RP1L1: variants seen among roughly 807,000 people sequenced by gnomAD.
RP1L1 encodes RP1 like 1.
A neutral mutation model predicts 15.7 loss-of-function variants in RP1L1; 27 were observed. That is an observed-to-expected ratio of 1.72 (90% CI 1.27 to 2.38). RP1L1 has a LOEUF of 2.38. Ranked by LOEUF, RP1L1 falls within the 30% of genes most tolerant of loss-of-function variation. RP1L1 has a pLI of 0.00. For synonymous variants in RP1L1, 1,813 were observed against 1,276.7 expected (o/e 1.42, Z -8.96); for missense variants, 4,798 against 3,075.9 (o/e 1.56, Z -13.24).
intron 3 of RP1L1, among the ~76,000 whole-genome samples, chr8:10,614,864 T>C (rs911613071): frequency 2.0e-5 from 3 of 152,258 alleles, no homozygotes; most frequent in South Asian, 4.1e-4. Flanking sequence ...ACATGGCACA[T>C]GTATACATAT....
In RP1L1 at chr8:10,610,518, T is replaced by A. The variant is rs375562242; in HGVS notation, c.3580A>T (p.Thr1194Ser). ...LGSHAMTENFTPTSSSGVDIS... is the reference protein window; with the variant it reads ...LGSHAMTENFSPTSSSGVDIS... ...TCCACACCAGAGGAGGATGTGGGCG[T>A]GAAGTTCTCCGTCATGGCATGGGAC... The change falls in exon 4 of 4, where the codon ACG becomes TCG. Residue 1194 changes from threonine (T) to serine (S), a missense_variant. Physicochemically the swap from Thr to Ser is moderately conservative, Grantham distance 58. Coordinates refer to ENST00000382483, the MANE Select transcript of RP1L1 (RefSeq NM_178857.6). 6.2e-6 allele frequency: 10 copies of A among 1,613,560 alleles called. No homozygotes were observed. Among genetic ancestry groups the A allele is most frequent in the East Asian group, 2.2e-5 (1 of 44,878 alleles).
rs899577543 is a variant in RP1L1 at position 10,620,666 on chromosome 8, G to C, written c.609+1927C>G. ...AGCTGAAAGCTGAGACGGTCACCTT[G>C]GCCATACAAGGCTTCTCATGACAAT... On this transcript the variant is annotated intron_variant, in intron 2 of 3. Transcript: ENST00000382483. 3.3e-5 allele frequency among the ~76,000 whole-genome samples: 5 copies of C among 152,166 alleles called. 1 individual carries two copies. In the South Asian group the frequency reaches 8.3e-4, roughly 25 times the overall value.
At chr8:10,648,694 C>G (rs1213864485) in intron 1 of RP1L1, among the ~76,000 whole-genome samples, 1 of 152,214 alleles carries the variant, frequency 6.6e-6, no homozygotes, top group Non-Finnish European at 1.5e-5. Flanking sequence ...GCAATGAGAT[C>G]CAGTTGGCCT....
intron 1 of RP1L1, among the ~76,000 whole-genome samples, chr8:10,643,317 G>A (rs181586133): frequency 4.7e-4 from 72 of 152,290 alleles, no homozygotes; most frequent in South Asian, 1.0e-3. Context: ...TACAGCCTGG[G>A]TGACAGAGTG....
intron 1 of RP1L1, among the ~76,000 whole-genome samples, chr8:10,634,056 A>G (rs1286936992): frequency 6.6e-6 from 1 of 152,154 alleles, no homozygotes; most frequent in Admixed American, 6.5e-5. Context: ...CTCAGCTCCT[A>G]CAACAAGGCA....
At chr8:10,650,621 A>T (rs943992793) in intron 1 of RP1L1, among the ~76,000 whole-genome samples, 25 of 149,892 alleles carry the variant, frequency 1.7e-4, no homozygotes, top group Admixed American at 5.3e-4. Context: ...CAGTGGTGCG[A>T]TCTCAGCTCA....
rs1311276703 is a variant in RP1L1, at chr8:10,611,133, C to T, written c.2965G>A (p.Gly989Ser). 1 of 1,612,952 alleles carries T rather than the reference C, an allele frequency of 6.2e-7. No individual in the cohort carries two copies. The highest frequency in any genetic ancestry group is 2.2e-5 in the East Asian group (1 of 44,872). Residue 989 changes from glycine to serine, a missense_variant, in exon 4 of 4, where the codon GGC (glycine) becomes AGC (serine). By Grantham distance (56) the Gly-to-Ser change is moderately conservative (BLOSUM62 0). Coordinates refer to ENST00000382483, the MANE Select transcript of RP1L1 (RefSeq NM_178857.6). ...TTGAAGGGLR[G>S]PEVDPGDDHS... Reference sequence around the variant, plus strand: ...TCATCCCCAGGGTCCACCTCGGGGCCTCTCAGGCCACCCCCAGCTGCACCT... The same window carrying T: ...TCATCCCCAGGGTCCACCTCGGGGCTTCTCAGGCCACCCCCAGCTGCACCT...
chr8:10,623,490 TCAGAGTCACCATGTCCC>T (rs935906182), intron 1 of RP1L1, among the ~76,000 whole-genome samples: 2 of 150,920 alleles, frequency 1.3e-5, no homozygotes, highest in Non-Finnish European at 2.9e-5. Context: ...CCACATGCCT[TCAGAGTCACCATGTCCC>T]CAGAACCACC....
rs1476389971 is a variant in RP1L1 at position 10,606,479 on chromosome 8, A to T, written c.*416T>A. Reference sequence around the variant, plus strand: ...TCAAAGTCAAATGAGGTGAGTGCCAACAGAAGCCAAGGAGAAAAGTAACAG... The same window carrying T: ...TCAAAGTCAAATGAGGTGAGTGCCATCAGAAGCCAAGGAGAAAAGTAACAG... On this transcript the variant is annotated 3_prime_UTR_variant, in exon 4 of 4. Transcript: ENST00000382483. 5.0e-6 allele frequency: 1 copy of T among 200,818 alleles called. No individual in the cohort carries two copies. Among genetic ancestry groups the T allele is most frequent in the African/African-American group, 2.4e-5 (1 of 42,240 alleles). 12.4% of individuals were successfully genotyped at this position (200,818 alleles called of 1,614,324 possible).
chr8:10,610,232 A>T lies in RP1L1; in HGVS notation c.3866T>A (p.Leu1289Gln). The part of the protein sequence containing the change: ...DSEEQRASSN[L>Q]EQLAENTVQE... Reference sequence around the variant, plus strand: ...CACTGTGTTTTCAGCTAACTGCTCCAGGTTCGAGCTCGCCCTCTGCTCCTC... The same window carrying T: ...CACTGTGTTTTCAGCTAACTGCTCCTGGTTCGAGCTCGCCCTCTGCTCCTC... The change falls in exon 4 of 4, where the codon CTG (leucine) becomes CAG (glutamine). Residue 1289 changes from leucine to glutamine, a missense_variant. Transcript: ENST00000382483. 1 of 1,607,676 alleles carries T rather than the reference A, an allele frequency of 6.2e-7. No individual in the cohort carries two copies.
At chr8:10,620,579 C>G (rs1416906718) in intron 2 of RP1L1, among the ~76,000 whole-genome samples, 1 of 152,092 alleles carries the variant, frequency 6.6e-6, no homozygotes, top group African/African-American at 2.4e-5. Flanking sequence ...GCACCCCAGC[C>G]TGGGTGACAA....
In RP1L1 at chr8:10,611,455, G is replaced by A. The variant is rs374382227; in HGVS notation, c.2643C>T (p.Ala881=). Residue 881 remains alanine (A), a synonymous_variant, in exon 4 of 4, where the codon GCC becomes GCT. Transcript: ENST00000382483. ...CCTGCGGGCTCCCACCTGGCCCCCG[G>A]GCAGTGCTTTGGTGGCTGCTGCCGG... is the stretch of plus-strand genomic sequence containing the variant. ...GSTGSSHQST[A]RGPGGSPQEG... is the part of the protein sequence containing the mutation. 241 of 1,571,640 alleles carry A rather than the reference G, an allele frequency of 1.5e-4. No individual in the cohort carries two copies. In the African/African-American group the frequency reaches 3.1e-3, roughly 20 times the overall value.
chr8:10,612,058 G>A lies in RP1L1; in HGVS notation c.2040C>T (p.Ser680=). 6.2e-7 allele frequency: 1 copy of A among 1,613,896 alleles called. No individual in the cohort carries two copies. The highest frequency in any genetic ancestry group is 8.5e-7 in the Non-Finnish European group (1 of 1,180,042). The change falls in exon 4 of 4, where the codon TCC becomes TCT. Residue 680 remains serine (S), a synonymous_variant. Transcript: ENST00000382483. ...GCCTCGGCACTTGCTTGGTTACAGAGGAGTCCAGTGGGCTGTGGGTGTCCT... is the reference window on the plus strand; with the variant it reads ...GCCTCGGCACTTGCTTGGTTACAGAAGAGTCCAGTGGGCTGTGGGTGTCCT... The part of the protein sequence containing the change: ...YRKDTHSPLD[S]SVTKQVPRPP...
In RP1L1 at chr8:10,629,019, C is replaced by T. The variant is rs536164565; in HGVS notation, c.-19-5799G>A. ...AAGTGGGTCTGGTGCACCTCTGGCC[C>T]TGTGCTCGGCACATCACAAGTGCTG... On this transcript the variant is annotated intron_variant, in intron 1 of 3. Transcript: ENST00000382483. Among the ~76,000 whole-genome samples, 296 of 152,346 alleles carry T rather than the reference C, an allele frequency of 1.9e-3. 1 individual carries two copies. Among genetic ancestry groups the T allele is most frequent in the Middle Eastern group, 0.01 (3 of 294 alleles).
chr8:10,627,856 T>C (rs1379090447), intron 1 of RP1L1, among the ~76,000 whole-genome samples: 1 of 152,052 alleles, frequency 6.6e-6, no homozygotes, highest in Non-Finnish European at 1.5e-5. Context: ...ACAGAGCAAG[T>C]AGGCAAAGAG....
chr8:10,617,823 T>C lies in RP1L1; in HGVS notation c.610-1236A>G, dbSNP rs573910342. On this transcript the variant is annotated intron_variant, in intron 2 of 3. Coordinates refer to ENST00000382483, the MANE Select transcript of RP1L1 (RefSeq NM_178857.6). Reference sequence around the variant, plus strand: ...CGCCGGCCTCGGCCTCCCAAAGTGCTGGGATTACAGGCGTGAGCCACTGCA... The same window carrying C: ...CGCCGGCCTCGGCCTCCCAAAGTGCCGGGATTACAGGCGTGAGCCACTGCA... Among the ~76,000 whole-genome samples the C allele has an allele frequency of 2.7e-3, 406 of 152,328 alleles. 1 individual carries two copies. Among genetic ancestry groups the C allele is most frequent in the Non-Finnish European group, 4.9e-3 (332 of 68,028 alleles).
At chr8:10,648,479 G>T (rs1352824627) in intron 1 of RP1L1, among the ~76,000 whole-genome samples, 1 of 152,138 alleles carries the variant, frequency 6.6e-6, no homozygotes, top group African/African-American at 2.4e-5. Flanking sequence ...ACACAAGTAG[G>T]CTTGAGACCC....
At chr8:10,622,321 G>GA (rs58640143) in intron 2 of RP1L1, among the ~76,000 whole-genome samples, 31,967 of 113,536 alleles carry the variant, frequency 0.28, 4,040 homozygotes, top group Middle Eastern at 0.34. Context: ...ACTCCATCTC[G>GA]AAAAAAACAA....
Position 10,610,467 on chromosome 8 carries a change from C to A in RP1L1, c.3631G>T (p.Gly1211Trp). ...VDISSGSGGS[G>W]ESSVPCAMDG... ...ATGGCACAGGGTACGCTACTCTCCC[C>A]TGAGCCTCCAGAGCCGCTGCTGATG... is the stretch of plus-strand genomic sequence containing the variant. Residue 1211 changes from glycine to tryptophan, a missense_variant, in exon 4 of 4, where the codon GGG becomes TGG. Gly to Trp is a radical substitution (Grantham distance 184). Coordinates refer to ENST00000382483, the MANE Select transcript of RP1L1 (RefSeq NM_178857.6). The A allele has an allele frequency of 6.2e-7, 1 of 1,613,776 alleles. No individual in the cohort carries two copies. The highest frequency in any genetic ancestry group is 8.5e-7 in the Non-Finnish European group (1 of 1,179,988).
Sources: gnomAD v4.1 joint callset for allele counts (sites outside exome capture counted in the v4.1 genomes callset) on GRCh38, gnomAD v4.1.1 for gene constraint, MANE v1.5 for transcripts, NCBI Gene and HGNC (gene_info 2026-07-23, HGNC 2026-07-21) for gene names.